The following CIROZ variants were observed in gnomAD, a reference collection of about 807,000 sequenced individuals.
CIROZ encodes the protein ciliated left-right organizer protein containing ZP-N domains, also known as ciliated left-right organizer ZP-N domains-containing protein.
At chr1:10,956,973 A>AT in the CIROZ span, 1 of 1,478,548 alleles carries the variant, frequency 6.8e-7, no homozygotes, top group East Asian at 2.5e-5. Flanking sequence ...AACAGACCAG[A>AT]ATGTGATGAA....
the CIROZ span, chr1:10,948,371 G>A: frequency 6.2e-6 from 10 of 1,613,400 alleles, no homozygotes; most frequent in South Asian, 2.2e-5. Flanking sequence ...CCAATGGCTG[G>A]AACTCCTCAC....
At chr1:10,953,761 C>T in the CIROZ span, among the ~76,000 whole-genome samples, 1 of 152,184 alleles carries the variant, frequency 6.6e-6, no homozygotes, top group Non-Finnish European at 1.5e-5. Flanking sequence ...GGATGCACCC[C>T]CATCCGCCTC....
the CIROZ span, among the ~76,000 whole-genome samples, chr1:10,972,420 T>TACACACAC: frequency 0.016 from 2,143 of 131,686 alleles, 31 homozygotes; most frequent in East Asian, 0.035. Flanking sequence ...GTCTCTGAAA[T>TACACACAC]ACACACACAC....
At chr1:10,979,703 C>G in the CIROZ span, among the ~76,000 whole-genome samples, 1 of 152,168 alleles carries the variant, frequency 6.6e-6, no homozygotes, top group African/African-American at 2.4e-5. Context: ...GTAGAATGGA[C>G]CCATTGTGGT....
the CIROZ span, among the ~76,000 whole-genome samples, chr1:10,969,798 C>T: frequency 7.6e-4 from 115 of 152,114 alleles, 1 homozygote; most frequent in African/African-American, 2.6e-3. Flanking sequence ...CTGGGGTGGG[C>T]GTGGACGACT....
the CIROZ span, chr1:10,947,528 AGAAGAGCACCGGGG>A: frequency 3.6e-5 from 26 of 726,950 alleles, no homozygotes; most frequent in Non-Finnish European, 5.3e-5. Flanking sequence ...CATCTGGGCC[AGAAGAGCACCGGGG>A]CTTCCCTGGA....
chr1:10,946,915 G>C, the CIROZ span, among the ~76,000 whole-genome samples: 1 of 152,318 alleles, frequency 6.6e-6, no homozygotes, highest in Non-Finnish European at 1.5e-5. Context: ...AGAGATGTCT[G>C]AACCATGGCT....
At chr1:10,960,021 G>C in the CIROZ span, among the ~76,000 whole-genome samples, 7 of 152,162 alleles carry the variant, frequency 4.6e-5, no homozygotes, top group Admixed American at 1.3e-4. This position sits in a 1 kb window ranked among gnomAD's most constrained non-coding sequence, Gnocchi z 4.6. Flanking sequence ...CATCTCCCCT[G>C]CTGAACCAGG....
chr1:10,953,120 G>T, the CIROZ span, among the ~76,000 whole-genome samples: 1 of 152,122 alleles, frequency 6.6e-6, no homozygotes, highest in Non-Finnish European at 1.5e-5. Context: ...TGAATTTGGG[G>T]CTAGCTGTGG....
chr1:10,954,156 A>C, the CIROZ span: 6 of 1,609,320 alleles, frequency 3.7e-6, no homozygotes, highest in Admixed American at 1.0e-4. Flanking sequence ...TGGGGCCACA[A>C]GAAATTAGTT....
chr1:10,958,239 C>T, the CIROZ span, among the ~76,000 whole-genome samples: 1 of 152,176 alleles, frequency 6.6e-6, no homozygotes, highest in East Asian at 1.9e-4. Context: ...TTGGGGAGGT[C>T]AAGCTCACTG....
At chr1:10,951,546 C>T in the CIROZ span, among the ~76,000 whole-genome samples, 3 of 141,856 alleles carry the variant, frequency 2.1e-5, no homozygotes, top group Admixed American at 1.4e-4. Flanking sequence ...GACTCTGTCT[C>T]GGGGTAAAAA....
At chr1:10,969,852 A>C in the CIROZ span, 5 of 1,381,850 alleles carry the variant, frequency 3.6e-6, no homozygotes, top group Non-Finnish European at 4.7e-6. Flanking sequence ...GCCTTTGAGC[A>C]GAGATTTGAG....
the CIROZ span, among the ~76,000 whole-genome samples, chr1:10,959,802 C>A: frequency 6.6e-6 from 1 of 152,246 alleles, no homozygotes; most frequent in Non-Finnish European, 1.5e-5. This position sits in a 1 kb window ranked among gnomAD's most constrained non-coding sequence, Gnocchi z 4.3. Flanking sequence ...TTCCTTGGCC[C>A]CAGAGAGCCC....
chr1:10,949,300 C>T, the CIROZ span: 1 of 380,798 alleles, frequency 2.6e-6, no homozygotes, highest in South Asian at 3.3e-5. Flanking sequence ...CTCAGTTTCC[C>T]TCCCTCCATT....
chr1:10,978,029 C>A, the CIROZ span, among the ~76,000 whole-genome samples: 2 of 151,836 alleles, frequency 1.3e-5, no homozygotes, highest in Non-Finnish European at 2.9e-5. Context: ...ATTAGCCAGG[C>A]GTGATGGCAC....
the CIROZ span, chr1:10,947,518 C>T: frequency 1.6e-6 from 1 of 643,572 alleles, no homozygotes; most frequent in Non-Finnish European, 2.3e-6. Context: ...GCACAGTGAT[C>T]ATCTGGGCCA....
the CIROZ span, among the ~76,000 whole-genome samples, chr1:10,979,856 T>C: frequency 6.6e-6 from 1 of 152,180 alleles, no homozygotes; most frequent in Non-Finnish European, 1.5e-5. Flanking sequence ...GAGAGCAGCC[T>C]AGCCAACATG....
the CIROZ span, among the ~76,000 whole-genome samples, chr1:10,968,566 C>T: frequency 0.12 from 18,672 of 152,162 alleles, 1,781 homozygotes; most frequent in East Asian, 0.29. Context: ...GATGTGCAAA[C>T]TGACCTGGAT....
Sources: allele counts gnomAD v4.1 joint callset (sites outside exome capture counted in the v4.1 genomes callset), GRCh38; gene constraint gnomAD v4.1.1; non-coding constraint Gnocchi (gnomAD v3.1); transcripts MANE v1.5; gene names NCBI Gene and HGNC (gene_info 2026-07-23, HGNC 2026-07-21).